Variants in TJP2 observed in about 807,000 individuals in gnomAD.
TJP2 encodes the protein tight junction protein 2, also known as Friedreich ataxia region gene X104 (tight junction protein ZO-2).
TJP2 carries 91 observed loss-of-function variants against 133.1 expected under a neutral mutation model. The observed-to-expected ratio is 0.68, with a 90% CI of 0.58 to 0.81. The LOEUF is 0.81. Ranked by LOEUF, TJP2 falls within the 40% of genes least tolerant of loss-of-function variation. The probability of loss-of-function intolerance (pLI) is 0.00; values close to 1 mark genes in which losing one functional copy is unlikely to be tolerated. For missense variants in TJP2, 1,541 were observed against 1,565.6 expected, an observed-to-expected ratio of 0.98 and a Z score of 0.26; for synonymous variants, 592 against 583.4, an observed-to-expected ratio of 1.01 and a Z score of -0.21.
Position 69,187,987 on chromosome 9 carries a change from G to C in TJP2, c.60+13555G>C, listed in dbSNP as rs189089052. 2.1e-3 allele frequency among the ~76,000 whole-genome samples: 315 copies of C among 152,328 alleles called. 1 individual carries two copies. The highest frequency in any genetic ancestry group is 7.0e-3 in the African/African-American group (291 of 41,564). ...GGAGATCTTCTGAACCTGTGGCTTT[G>C]TGTTATTGGACTGAGAAGTCCAAAA... On this transcript the variant is annotated intron_variant, in intron 1 of 22. Coordinates refer to ENST00000377245, the MANE Select transcript of TJP2 (RefSeq NM_004817.4).
chr9:69,154,889 G>T (rs747367685), intron 2 of TJP2, among the ~76,000 whole-genome samples: 4 of 152,052 alleles, frequency 2.6e-5, no homozygotes. Flanking sequence ...ATACCTTAAA[G>T]TTATCACTGA....
rs564027239 is a variant in TJP2, at chr9:69,174,322, A to G, written c.-51A>G. On this transcript the variant is annotated 5_prime_UTR_variant, in exon 1 of 23. Coordinates refer to ENST00000377245, the MANE Select transcript of TJP2 (RefSeq NM_004817.4). ...CCAGGAGGAGTAGGAGCAGGAGCAG[A>G]AGCAGAAGCGGGGTCCGGAGCTGCG... The G allele has an allele frequency of 3.4e-5, 52 of 1,550,500 alleles. No individual in the cohort carries two copies. Among genetic ancestry groups the G allele is most frequent in the East Asian group, 7.3e-5 (3 of 40,876 alleles).
At chr9:69,228,984 A>AT (rs200093116) in intron 9 of TJP2, among the ~76,000 whole-genome samples, 200 bp from the exon 10 acceptor site, 1 of 150,376 alleles carries the variant, frequency 6.6e-6, no homozygotes, top group African/African-American at 2.5e-5. Context: ...TTAGAGGTTC[A>AT]TTTTTTATCT....
intron 1 of TJP2, among the ~76,000 whole-genome samples, chr9:69,199,743 C>G (rs1012809968): frequency 1.1e-4 from 17 of 152,130 alleles, no homozygotes; most frequent in Non-Finnish European, 2.1e-4. Context: ...TTCCTTCTTT[C>G]CAGCTATCCA....
At chr9:69,172,417 A>T (rs1201367905), upstream of TJP2, among the ~76,000 whole-genome samples, 2 of 152,252 alleles carry the variant, frequency 1.3e-5, no homozygotes, top group Non-Finnish European at 2.9e-5. Context: ...TATTAGCCAC[A>T]TGTGGCTTCT....
At chr9:69,253,291 T>A (rs1054698043) in intron 22 of TJP2, 3 of 266,220 alleles carry the variant, frequency 1.1e-5, no homozygotes, top group African/African-American at 6.6e-5. Flanking sequence ...GTCAGACCGC[T>A]TGTGCTGCCC....
chr9:69,221,367 C>T lies in TJP2; in HGVS notation c.823C>T (p.His275Tyr), dbSNP rs1470531825. 5 of 1,584,636 alleles carry T rather than the reference C, an allele frequency of 3.2e-6. No homozygotes were observed. Among genetic ancestry groups the T allele is most frequent in the Non-Finnish European group, 4.3e-6 (5 of 1,166,096 alleles). The change falls in exon 5 of 23, where the codon CAC becomes TAC. Residue 275 changes from histidine to tyrosine, a missense_variant. Physicochemically the swap from His to Tyr is moderately conservative, Grantham distance 83. Transcript: ENST00000377245. ...YSPEYRRGAR[H>Y]DARSRGPRSR... ...CCCGGAGTACAGGCGCGGGGCCCGC[C>T]ACGATGCCCGCTCTCGGGGACCCCG...
At chr9:69,140,492 G>A (rs958267082) in intron 1 of TJP2, among the ~76,000 whole-genome samples, 1 of 152,182 alleles carries the variant, frequency 6.6e-6, no homozygotes, top group Non-Finnish European at 1.5e-5. Flanking sequence ...GTGGGATCAT[G>A]TGAACTACTC....
At chr9:69,248,469 C>T (rs541688819) in intron 19 of TJP2, 20 of 1,342,216 alleles carry the variant, frequency 1.5e-5, no homozygotes, top group East Asian at 1.1e-4. Flanking sequence ...CCCTCAGGTG[C>T]GATGGATAAA....
intron 16 of TJP2, among the ~76,000 whole-genome samples, 184 bp from the exon 17 acceptor site, chr9:69,239,753 G>A (rs1002471423): frequency 5.3e-5 from 8 of 152,152 alleles, no homozygotes; most frequent in Non-Finnish European, 1.2e-4. Flanking sequence ...GGCGGAGGTC[G>A]CAGTGAGCCA....
At chr9:69,174,260 C>A, upstream of TJP2, 1 of 1,525,518 alleles carries the variant, frequency 6.6e-7, no homozygotes, top group Non-Finnish European at 8.8e-7. Flanking sequence ...GGCACCCCGG[C>A]GGTTGGGCTG....
intron 17 of TJP2, among the ~76,000 whole-genome samples, chr9:69,245,157 C>T (rs1023769338): frequency 1.3e-5 from 2 of 152,146 alleles, no homozygotes; most frequent in Non-Finnish European, 2.9e-5. Context: ...TAATTTTCTT[C>T]GGGTTGTCTA....
In TJP2 at chr9:69,124,371, A is replaced by AATT. The variant is rs1177815638; in HGVS notation, c.-131+2659_-131+2661dup. ...GTTTATTTTTGTAGAGGCTAGTTTA[A>AATT]ATTATTATTATTATTTTTTTCTGTA... On this transcript the variant is annotated intron_variant, in intron 1 of 5. Coordinates refer to the TJP2 transcript ENST00000423935. Among the ~76,000 whole-genome samples the AATT allele has an allele frequency of 6.6e-5, 5 of 75,784 alleles. 2 individuals carry two copies. The highest frequency in any genetic ancestry group is 2.0e-4 in the African/African-American group (5 of 24,866). The allele number at this position is 75,784 out of a possible 152,430, so 49.7% of individuals were successfully genotyped here. A position where few individuals can be genotyped will look rare whatever the true frequency, so the allele number is the denominator to read the frequency against.
chr9:69,197,715 G>C (rs535332358), intron 1 of TJP2, among the ~76,000 whole-genome samples: 2 of 151,950 alleles, frequency 1.3e-5, no homozygotes, highest in South Asian at 4.2e-4. Flanking sequence ...ATAGGGTAGG[G>C]ATCTTGACCT....
At chr9:69,185,791 G>A (rs139839905) in intron 1 of TJP2, among the ~76,000 whole-genome samples, 1 of 151,988 alleles carries the variant, frequency 6.6e-6, no homozygotes, top group Non-Finnish European at 1.5e-5. Context: ...AATCTCTCGC[G>A]GAGGGAACAC....
chr9:69,184,887 C>T (rs1340615396), intron 1 of TJP2, among the ~76,000 whole-genome samples: 6 of 148,764 alleles, frequency 4.0e-5, no homozygotes, highest in Non-Finnish European at 8.9e-5. Context: ...TTAGCTGTAA[C>T]CACGGGCATG....
chr9:69,221,014 A>AGAGGAGCCGGCT lies in TJP2; in HGVS notation c.473_484dup (p.Arg158_Leu161dup), dbSNP rs1828781083. 8 of 1,610,830 alleles carry AGAGGAGCCGGCT rather than the reference A, an allele frequency of 5.0e-6. No individual in the cohort carries two copies. Among genetic ancestry groups the AGAGGAGCCGGCT allele is most frequent in the Non-Finnish European group, 6.8e-6 (8 of 1,179,188 alleles). ...AGAAGTTTCCGGAGTGGCTACAGCG[A>AGAGGAGCCGGCT]GAGGAGCCGGCTGAACAGCCATGGG... is the stretch of plus-strand genomic sequence containing the variant. On this transcript the variant is annotated inframe_insertion, in exon 5 of 23. Coordinates refer to ENST00000377245, the MANE Select transcript of TJP2 (RefSeq NM_004817.4).
intron 14 of TJP2, among the ~76,000 whole-genome samples, chr9:69,237,523 A>G (rs1428146480): frequency 2.0e-5 from 3 of 152,142 alleles, no homozygotes; most frequent in Non-Finnish European, 4.4e-5. Flanking sequence ...AAAAGTTTCC[A>G]TATATTATCA....
chr9:69,164,689 A>G (rs1824256858), intron 2 of TJP2, among the ~76,000 whole-genome samples: 3 of 152,238 alleles, frequency 2.0e-5, no homozygotes, highest in Non-Finnish European at 4.4e-5. Flanking sequence ...TTCTGTTAAA[A>G]GAAGCTAAAA....
Sources: allele counts gnomAD v4.1 joint callset (sites outside exome capture counted in the v4.1 genomes callset), GRCh38; gene constraint gnomAD v4.1.1; transcripts MANE v1.5; gene names NCBI Gene and HGNC (gene_info 2026-07-23, HGNC 2026-07-21).